The following TULP1 variants were observed in gnomAD, a reference collection of about 807,000 sequenced individuals.
TULP1 encodes TUB like protein 1.
In TULP1, 50 loss-of-function variants were observed where a neutral mutation model predicts 67.1. That is an observed-to-expected ratio of 0.75 (90% CI 0.59 to 0.94). The LOEUF is 0.94. Ranked by LOEUF, TULP1 falls within the 40% of genes least tolerant of loss-of-function variation. TULP1 has a pLI of 0.00. For synonymous variants in TULP1, 297 were observed against 294.0 expected, an observed-to-expected ratio of 1.01 and a Z score of -0.11; for missense variants, 746 against 734.1, an observed-to-expected ratio of 1.02 and a Z score of -0.19.
In TULP1 at chr6:35,507,863, G is replaced by C. The variant is rs1323420677; in HGVS notation, c.822+1346C>G. ...GAGCCTCGCTCTTGTTGCCCAGGCT[G>C]GAATGCAGTGGCGTGATCTCAGCTC... is the stretch of plus-strand genomic sequence containing the variant. On this transcript the variant is annotated intron_variant, in intron 8 of 14. Coordinates refer to ENST00000229771, the MANE Select transcript of TULP1 (RefSeq NM_003322.6). Among the ~76,000 whole-genome samples the C allele has an allele frequency of 3.3e-5, 5 of 152,164 alleles. No individual in the cohort carries two copies. In the East Asian group the frequency reaches 7.7e-4, roughly 23 times the overall value.
intron 8 of TULP1, 71 bp downstream of exon 8, chr6:35,509,138 G>T: frequency 7.2e-7 from 1 of 1,393,772 alleles, no homozygotes; most frequent in Non-Finnish European, 1.0e-6. Flanking sequence ...CCACCCTCTA[G>T]GCTCCCAAGT....
Position 35,511,655 on chromosome 6 carries a change from C to G in TULP1, c.342G>C (p.Ala114=). 6.3e-7 allele frequency: 1 copy of G among 1,594,258 alleles called. No individual in the cohort carries two copies. The highest frequency in any genetic ancestry group is 1.1e-5 in the South Asian group (1 of 87,624). Residue 114 remains alanine, a synonymous_variant, in exon 4 of 15, where the codon GCG becomes GCC. Transcript: ENST00000229771. ...ETFLVARAPD[A]EDEEEEEEED... is the part of the protein sequence containing the mutation. The stretch of plus-strand genomic sequence containing the variant: ...CCTGGGGCCCTCTCTCACCGTCCTC[C>G]GCGTCTGGGGCACGGGCTACCAGAA...
chr6:35,512,375 C>T, intron 2 of TULP1, 105 bp from the exon 3 acceptor site: 1 of 696,894 alleles, frequency 1.4e-6, no homozygotes, highest in Non-Finnish European at 2.3e-6. Flanking sequence ...CGCAGATTAT[C>T]CGGGGGGAAC....
chr6:35,505,680 A>G (rs754426750), intron 11 of TULP1, 61 bp downstream of exon 11: 2 of 1,599,536 alleles, frequency 1.3e-6, no homozygotes, highest in African/African-American at 1.3e-5. Context: ...CAGGACAGAG[A>G]TGACGGGCTA....
Position 35,509,300 on chromosome 6 carries a change from C to A in TULP1, c.731G>T (p.Gly244Val). 6.2e-7 allele frequency: 1 copy of A among 1,614,060 alleles called. No individual in the cohort carries two copies. The highest frequency in any genetic ancestry group is 8.5e-7 in the Non-Finnish European group (1 of 1,179,984). The change falls in exon 8 of 15, where the codon GGC becomes GTC. Residue 244 changes from glycine (G) to valine (V), a missense_variant. Gly to Val is a moderately radical substitution (Grantham distance 109). This residue lies in a region of TULP1 where 359 missense variants were observed against 341.9 expected (regional missense o/e 1.05). Coordinates refer to ENST00000229771, the MANE Select transcript of TULP1 (RefSeq NM_003322.6). ...KALKKKGTPK[G>V]ARKEEEEEEE... ...CTCCTCTTCTTCCTCCTTCCTCGCG[C>A]CTTTGGGAGTGCCTGAGCGTGGAGG...
intron 13 of TULP1, among the ~76,000 whole-genome samples, chr6:35,501,244 C>T (rs968677018): frequency 5.9e-5 from 9 of 151,808 alleles, no homozygotes; most frequent in Non-Finnish European, 1.3e-4. Flanking sequence ...CAGTGGCTCA[C>T]GCATATAATC....
At chr6:35,505,035 C>T (rs1430593774) in intron 11 of TULP1, among the ~76,000 whole-genome samples, 1 of 152,148 alleles carries the variant, frequency 6.6e-6, no homozygotes, top group Non-Finnish European at 1.5e-5. Context: ...GTCTTGGGTT[C>T]AAGAGATTCT....
intron 13 of TULP1, among the ~76,000 whole-genome samples, chr6:35,501,841 T>C (rs574203887): frequency 3.1e-4 from 47 of 152,156 alleles, no homozygotes; most frequent in Admixed American, 2.6e-3. Flanking sequence ...AAACAAGTCA[T>C]GTCACTCCTT....
intron 11 of TULP1, chr6:35,505,390 G>A (rs1045610511): frequency 2.5e-6 from 1 of 393,276 alleles, no homozygotes. Flanking sequence ...TACTTGTTGA[G>A]TAGCTAATAT....
At chr6:35,511,391 T>C (rs981261623) in intron 4 of TULP1, among the ~76,000 whole-genome samples, 26 of 152,202 alleles carry the variant, frequency 1.7e-4, no homozygotes, top group Non-Finnish European at 2.8e-4. Flanking sequence ...TTCTGGCTCC[T>C]AACTGCTGGT....
At position 35,510,965 on chromosome 6, in the gene TULP1, G is replaced by T. The variant is rs535067120; in HGVS notation, c.395C>A (p.Ala132Glu). The change falls in exon 5 of 15, where the codon GCA becomes GAA. Residue 132 changes from alanine to glutamate, a missense_variant. By Grantham distance (107) the Ala-to-Glu change is moderately radical. Coordinates refer to ENST00000229771, the MANE Select transcript of TULP1 (RefSeq NM_003322.6). ...AAGGATTTTCTCTTTCTTTTCCTCT[G>T]CCTCCTCTTCCTCGTCCTCCTCGTC... is the stretch of plus-strand genomic sequence containing the variant. Reference protein sequence around the residue: ...EEDEEDEEEEAEEKKEKILLP... With the variant: ...EEDEEDEEEEEEEKKEKILLP... 1.2e-6 allele frequency: 2 copies of T among 1,611,596 alleles called. No individual in the cohort carries two copies. Among genetic ancestry groups the T allele is most frequent in the South Asian group, 2.2e-5 (2 of 91,062 alleles).
In TULP1 at chr6:35,509,672, C is replaced by T. The variant is rs774623471; in HGVS notation, c.680G>A (p.Gly227Glu). 3 of 1,614,060 alleles carry T rather than the reference C, an allele frequency of 1.9e-6. No individual in the cohort carries two copies. In the Admixed American group the frequency reaches 5.0e-5, roughly 27 times the overall value. Residue 227 changes from glycine to glutamate, a missense_variant, in exon 7 of 15, where the codon GGG (glycine) becomes GAG (glutamate). Physicochemically the swap from Gly to Glu is moderately conservative, Grantham distance 98. This residue lies in a region of TULP1 where 359 missense variants were observed against 341.9 expected (regional missense o/e 1.05). Coordinates refer to ENST00000229771, the MANE Select transcript of TULP1 (RefSeq NM_003322.6). The stretch of plus-strand genomic sequence containing the variant: ...GGCTTTCTTGTCAGGACTGCCTTCC[C>T]CAACCAGAAACATGGCTGCTGGGCT... The part of the protein sequence containing the change: ...RKSPAAMFLV[G>E]EGSPDKKALK...
rs372589443 is a variant in TULP1, at chr6:35,509,909, G to T, written c.519C>A (p.Asp173Glu). Residue 173 changes from aspartate (D) to glutamate (E), a missense_variant, in exon 6 of 15, where the codon GAC (aspartate) becomes GAA (glutamate). Transcript: ENST00000229771. ...QGPRGDLGSP[D>E]PPPKPLRVRN... The stretch of plus-strand genomic sequence containing the variant: ...TAACACGCAGAGGTTTCGGTGGGGG[G>T]TCAGGGCTTCCCAGGTCTCCTGGAA... The T allele has an allele frequency of 6.2e-7, 1 of 1,613,778 alleles. No homozygotes were observed. Among genetic ancestry groups the T allele is most frequent in the Non-Finnish European group, 8.5e-7 (1 of 1,180,014 alleles).
intron 5 of TULP1, chr6:35,510,567 C>A: frequency 2.0e-6 from 1 of 506,768 alleles, no homozygotes; most frequent in Non-Finnish European, 3.5e-6. Context: ...TAACAATTTC[C>A]ACTGAGTTAA....
At chr6:35,510,775 C>T in intron 5 of TULP1, 86 bp downstream of exon 5, 2 of 1,605,228 alleles carry the variant, frequency 1.2e-6, no homozygotes, top group South Asian at 1.1e-5. Flanking sequence ...AGGCCTCAAT[C>T]GCTGTGTCTC....
chr6:35,501,190 C>T (rs538394291), intron 13 of TULP1, among the ~76,000 whole-genome samples: 3 of 152,244 alleles, frequency 2.0e-5, no homozygotes, highest in East Asian at 1.9e-4. Flanking sequence ...CACACACACA[C>T]GCAAAACAAC....
chr6:35,499,896 TGTGAGGGG>T, intron 14 of TULP1, 77 bp downstream of exon 14: 1 of 1,487,616 alleles, frequency 6.7e-7, no homozygotes. Context: ...TGTGTGTGTG[TGTGAGGGG>T]GTGAGGGGAG....
chr6:35,508,168 T>C (rs1243429605), intron 8 of TULP1, among the ~76,000 whole-genome samples: 1 of 152,224 alleles, frequency 6.6e-6, no homozygotes, highest in Admixed American at 6.5e-5. Context: ...TGAGGGAGGC[T>C]GATGTAGAGC....
chr6:35,512,868 G>A lies in TULP1; in HGVS notation c.-10C>T. On this transcript the variant is annotated 5_prime_UTR_variant, in exon 1 of 15. Coordinates refer to ENST00000229771, the MANE Select transcript of TULP1 (RefSeq NM_003322.6). ...CATCCCGCAGAGGCATGGTGCCTTT[G>A]CCTATCGCACCCCTTTCTCTGCAGG... is the stretch of plus-strand genomic sequence containing the variant. 1.9e-6 allele frequency: 3 copies of A among 1,612,260 alleles called. No individual in the cohort carries two copies. The highest frequency in any genetic ancestry group is 2.5e-6 in the Non-Finnish European group (3 of 1,179,998).
Sources: allele counts gnomAD v4.1 joint callset (sites outside exome capture counted in the v4.1 genomes callset), GRCh38; gene constraint gnomAD v4.1.1; regional missense constraint gnomAD v4.1.1; transcripts MANE v1.5; gene names NCBI Gene and HGNC (gene_info 2026-07-23, HGNC 2026-07-21).